ST8SIA1: variants seen among roughly 807,000 people sequenced by gnomAD.
The protein encoded by ST8SIA1 is ST8 alpha-N-acetyl-neuraminide alpha-2,8-sialyltransferase 1.
A neutral mutation model predicts 35.9 loss-of-function variants in ST8SIA1; 16 were observed. That is an observed-to-expected ratio of 0.45 (90% confidence interval 0.30 to 0.68). The LOEUF is 0.68. Ranked by LOEUF, ST8SIA1 falls within the 30% of genes least tolerant of loss-of-function variation. The pLI, the probability that ST8SIA1 is intolerant of heterozygous loss-of-function variation, is 0.09. For missense variants in ST8SIA1, 383 were observed against 453.6 expected (o/e 0.84, Z 1.41); for synonymous variants, 170 against 169.6 (o/e 1.00, Z -0.02).
At chr12:22,211,219 T>C (rs1865172113) in intron 4 of ST8SIA1, among the ~76,000 whole-genome samples, 1 of 152,230 alleles carries the variant, frequency 6.6e-6, no homozygotes, top group African/African-American at 2.4e-5. Context: ...TGTTCAGCTA[T>C]CCAGAAGCTC....
At chr12:22,295,271 G>C (rs1866229755) in intron 1 of ST8SIA1, among the ~76,000 whole-genome samples, 1 of 152,206 alleles carries the variant, frequency 6.6e-6, no homozygotes. Flanking sequence ...TGAAAGAAGA[G>C]TATAGTGGAG....
chr12:22,271,110 G>A (rs916174887), intron 2 of ST8SIA1, among the ~76,000 whole-genome samples: 1 of 152,166 alleles, frequency 6.6e-6, no homozygotes, highest in African/African-American at 2.4e-5. Context: ...AGAAAATGAA[G>A]CTTTGGTTGT....
At chr12:22,240,760 T>C (rs1226473883) in intron 4 of ST8SIA1, among the ~76,000 whole-genome samples, 2 of 152,168 alleles carry the variant, frequency 1.3e-5, no homozygotes, top group African/African-American at 4.8e-5. Context: ...TCAATTCCCT[T>C]TATTAAACTT....
intron 4 of ST8SIA1, among the ~76,000 whole-genome samples, chr12:22,205,846 GATT>G (rs1865101632): frequency 6.6e-6 from 1 of 152,044 alleles, no homozygotes; most frequent in Admixed American, 6.6e-5. Flanking sequence ...TAACAAAATT[GATT>G]ATGTCATGTT....
At chr12:22,291,617 A>T (rs1048019229) in intron 1 of ST8SIA1, among the ~76,000 whole-genome samples, 1 of 152,240 alleles carries the variant, frequency 6.6e-6, no homozygotes, top group African/African-American at 2.4e-5. Flanking sequence ...CAGCACAAAC[A>T]GGGAGTGTCA....
At chr12:22,249,544 GTTTT>G (rs1865646162) in intron 3 of ST8SIA1, among the ~76,000 whole-genome samples, 2 of 151,994 alleles carry the variant, frequency 1.3e-5, no homozygotes, top group African/African-American at 4.8e-5. Context: ...GTTTTGTTTT[GTTTT>G]GTTTTGTTTT....
intron 4 of ST8SIA1, among the ~76,000 whole-genome samples, chr12:22,229,896 C>T (rs1865398684): frequency 6.6e-6 from 1 of 151,996 alleles, no homozygotes; most frequent in African/African-American, 2.4e-5. Flanking sequence ...ATTAAGGTAG[C>T]AGATGAAAGG....
chr12:22,236,134 C>T (rs941820209), intron 4 of ST8SIA1, among the ~76,000 whole-genome samples: 5 of 152,160 alleles, frequency 3.3e-5, no homozygotes, highest in Admixed American at 1.3e-4. Context: ...TCCTTTACCA[C>T]GTCTCCCTTC....
Position 22,244,466 on chromosome 12 carries a change from A to C in ST8SIA1, c.584+4540T>G, listed in dbSNP as rs1212502379. 2.6e-5 allele frequency among the ~76,000 whole-genome samples: 4 copies of C among 152,032 alleles called. No individual in the cohort carries two copies. In the East Asian group the frequency reaches 5.8e-4, roughly 22 times the overall value. On this transcript the variant is annotated intron_variant, in intron 4 of 4. Transcript: ENST00000396037. ...GTTAGTTGGTTTTATTTTTTATTTTAAATAATTATTATTATTTTACTGTCT... is the reference window on the plus strand; with the variant it reads ...GTTAGTTGGTTTTATTTTTTATTTTCAATAATTATTATTATTTTACTGTCT...
chr12:22,202,321 T>C (rs1865057191), intron 4 of ST8SIA1, among the ~76,000 whole-genome samples: 1 of 152,312 alleles, frequency 6.6e-6, no homozygotes, highest in Non-Finnish European at 1.5e-5. Context: ...TCCCAGAACG[T>C]TTTTGCCTGA....
intron 4 of ST8SIA1, among the ~76,000 whole-genome samples, chr12:22,210,380 A>C (rs765460890): frequency 6.6e-6 from 1 of 152,168 alleles, no homozygotes; most frequent in Non-Finnish European, 1.5e-5. Flanking sequence ...AGAAAAAACA[A>C]ATTCAAAGTG....
At chr12:22,267,336 T>TA (rs80139491) in intron 2 of ST8SIA1, among the ~76,000 whole-genome samples, 23 of 151,872 alleles carry the variant, frequency 1.5e-4, no homozygotes, top group Non-Finnish European at 2.2e-4. Flanking sequence ...TATTTTCATT[T>TA]AAAAAAAAGC....
intron 2 of ST8SIA1, among the ~76,000 whole-genome samples, chr12:22,257,725 G>T (rs1865744264): frequency 1.3e-5 from 2 of 152,002 alleles, no homozygotes; most frequent in Non-Finnish European, 1.5e-5. Context: ...GCAGAAGAGG[G>T]AGGGAGAAGT....
At chr12:22,321,010 GAAAGAAAGAAAGAAAGAA>G (rs1565596053) in intron 1 of ST8SIA1, among the ~76,000 whole-genome samples, 12 of 95,386 alleles carry the variant, frequency 1.3e-4, no homozygotes, top group African/African-American at 5.6e-4. Context: ...AAAGAAGAAA[GAAAGAAAGAAAGAAAGAA>G]AGAAAGAGAA....
At chr12:22,226,660 A>G (rs1865362512) in intron 4 of ST8SIA1, among the ~76,000 whole-genome samples, 1 of 151,010 alleles carries the variant, frequency 6.6e-6, no homozygotes, top group African/African-American at 2.4e-5. Context: ...TTTCCTCGAC[A>G]TTCTTAAAAT....
chr12:22,307,570 C>G (rs1369054167), intron 1 of ST8SIA1, among the ~76,000 whole-genome samples: 2 of 152,114 alleles, frequency 1.3e-5, no homozygotes, highest in Non-Finnish European at 2.9e-5. Context: ...CACTTCCAGC[C>G]CATCTTCCTG....
intron 2 of ST8SIA1, among the ~76,000 whole-genome samples, chr12:22,262,028 G>A (rs1166617408): frequency 6.6e-6 from 1 of 152,172 alleles, no homozygotes; most frequent in Non-Finnish European, 1.5e-5. Context: ...AAATTTCTCT[G>A]AGGAATTAAC....
chr12:22,311,817 A>G (rs552963246), intron 1 of ST8SIA1, among the ~76,000 whole-genome samples: 1 of 152,292 alleles, frequency 6.6e-6, no homozygotes, highest in Admixed American at 6.5e-5. Flanking sequence ...ATAAACAATA[A>G]TAGTTTATGT....
chr12:22,304,738 C>T (rs938808492), intron 1 of ST8SIA1, among the ~76,000 whole-genome samples: 4 of 152,222 alleles, frequency 2.6e-5, no homozygotes, highest in African/African-American at 7.2e-5. Flanking sequence ...ATCACATGGT[C>T]TAGCCTCATA....
Sources: gnomAD v4.1 joint callset for allele counts (sites outside exome capture counted in the v4.1 genomes callset) on GRCh38, gnomAD v4.1.1 for gene constraint, MANE v1.5 for transcripts, NCBI Gene and HGNC (gene_info 2026-07-23, HGNC 2026-07-21) for gene names.